The following SEMA6D variants were observed in gnomAD, a reference collection of about 807,000 sequenced individuals.
SEMA6D encodes the protein semaphorin 6D, also known as semaphorin-6D.
In SEMA6D, 35 loss-of-function variants were observed where a neutral mutation model predicts 106.6. The observed-to-expected ratio is 0.33, with a 90% CI of 0.25 to 0.44. The LOEUF is 0.44. Ranked by LOEUF, SEMA6D falls within the 20% of genes least tolerant of loss-of-function variation. The pLI, the probability that SEMA6D is intolerant of heterozygous loss-of-function variation, is 1.00. For synonymous variants in SEMA6D, 499 were observed against 487.7 expected (o/e 1.02, Z -0.31); for missense variants, 1,185 against 1,345.9 (o/e 0.88, Z 1.87).
At chr15:47,342,677 G>C (rs373673833) in intron 1 of SEMA6D, among the ~76,000 whole-genome samples, 7 of 152,170 alleles carry the variant, frequency 4.6e-5, no homozygotes, top group African/African-American at 1.7e-4. Context: ...CTGGGTGCTT[G>C]CGTCATTGAC....
chr15:47,696,906 T>A (rs1287522203), intron 4 of SEMA6D, among the ~76,000 whole-genome samples: 1 of 152,194 alleles, frequency 6.6e-6, no homozygotes, highest in Non-Finnish European at 1.5e-5. Flanking sequence ...TTTGACACAA[T>A]AAGGACTTAA....
Position 47,292,236 on chromosome 15 carries a change from A to G in SEMA6D, c.-239+107818A>G, listed in dbSNP as rs75647092. 4.8e-3 allele frequency among the ~76,000 whole-genome samples: 736 copies of G among 152,306 alleles called. 5 individuals are homozygous for G. Among genetic ancestry groups the G allele is most frequent in the African/African-American group, 0.017 (715 of 41,568 alleles). Reference sequence around the variant, plus strand: ...GTGATAGAAACTAAAAGAGTATAAAAAGATGTGATACTTTCATTTTTGAGA... The same window carrying G: ...GTGATAGAAACTAAAAGAGTATAAAGAGATGTGATACTTTCATTTTTGAGA... On this transcript the variant is annotated intron_variant, in intron 1 of 19. Transcript: ENST00000558014.
intron 1 of SEMA6D, among the ~76,000 whole-genome samples, chr15:47,305,420 A>G (rs2036195408): frequency 6.6e-6 from 1 of 152,224 alleles, no homozygotes; most frequent in Non-Finnish European, 1.5e-5. Context: ...TCCTTTGTGA[A>G]AAAAGCCATG....
At chr15:47,525,157 A>G (rs187503933) in intron 3 of SEMA6D, 2 of 152,268 alleles carry the variant, frequency 1.3e-5, no homozygotes, top group Admixed American at 6.5e-5. Context: ...CTCCTCTTGT[A>G]TCACAGGTGA....
chr15:47,432,799 T>A (rs1185331482), intron 2 of SEMA6D, among the ~76,000 whole-genome samples: 1 of 152,118 alleles, frequency 6.6e-6, no homozygotes, highest in African/African-American at 2.4e-5. Context: ...AACCACTGTG[T>A]GGAAAAACTA....
At chr15:47,645,217 GAAACATCTTTAA>G (rs1460366010) in intron 4 of SEMA6D, among the ~76,000 whole-genome samples, 1 of 152,158 alleles carries the variant, frequency 6.6e-6, no homozygotes, top group Non-Finnish European at 1.5e-5. Flanking sequence ...TCCCTTATTG[GAAACATCTTTAA>G]GGAAACAGTC....
intron 1 of SEMA6D, among the ~76,000 whole-genome samples, chr15:47,197,350 T>A (rs1425350542): frequency 6.6e-6 from 1 of 152,198 alleles, no homozygotes; most frequent in African/African-American, 2.4e-5. Flanking sequence ...GAGTTTAAGG[T>A]CTTTAAATCA....
chr15:47,362,460 C>T (rs2038847725), intron 1 of SEMA6D, among the ~76,000 whole-genome samples: 4 of 152,246 alleles, frequency 2.6e-5, no homozygotes, highest in Admixed American at 2.6e-4. Context: ...CCGGGTTCTC[C>T]GTTCTGCTCC....
intron 1 of SEMA6D, among the ~76,000 whole-genome samples, chr15:47,210,991 G>A (rs1046190837): frequency 2.0e-5 from 3 of 151,806 alleles, no homozygotes; most frequent in Non-Finnish European, 4.4e-5. Flanking sequence ...TTTTTTTAAA[G>A]TAACACATGT....
chr15:47,696,174 G>A (rs2145840693), intron 4 of SEMA6D, among the ~76,000 whole-genome samples: 1 of 152,078 alleles, frequency 6.6e-6, no homozygotes, highest in South Asian at 2.1e-4. Context: ...ATTTTGTTAG[G>A]GACTGAAAAA....
At chr15:47,606,140 G>T (rs989541326) in intron 4 of SEMA6D, 1 of 152,166 alleles carries the variant, frequency 6.6e-6, no homozygotes, top group East Asian at 1.9e-4. Context: ...GGGTGGTGCA[G>T]GGTAGATTTA....
intron 3 of SEMA6D, among the ~76,000 whole-genome samples, chr15:47,503,311 A>G (rs1456652075): frequency 2.0e-5 from 3 of 152,230 alleles, no homozygotes; most frequent in Non-Finnish European, 2.9e-5. Context: ...TCTTCATTCC[A>G]AGTGTAAACT....
intron 1 of SEMA6D, among the ~76,000 whole-genome samples, chr15:47,722,412 C>T (rs1268626492): frequency 6.6e-6 from 1 of 152,128 alleles, no homozygotes; most frequent in Non-Finnish European, 1.5e-5. Context: ...ACGCGATGTA[C>T]CTAAATATGG....
chr15:47,601,178 C>G (rs138061727), intron 4 of SEMA6D, among the ~76,000 whole-genome samples: 135 of 152,146 alleles, frequency 8.9e-4, no homozygotes, highest in Middle Eastern at 3.4e-3. Flanking sequence ...TTTTGTGATA[C>G]AGCAGACTCT....
intron 3 of SEMA6D, among the ~76,000 whole-genome samples, chr15:47,575,811 T>C (rs2076147201): frequency 6.6e-6 from 1 of 152,088 alleles, no homozygotes; most frequent in South Asian, 2.1e-4. Flanking sequence ...CAATAAAACA[T>C]TGTGGTATCT....
intron 1 of SEMA6D, among the ~76,000 whole-genome samples, chr15:47,369,876 G>A (rs982999317): frequency 2.6e-5 from 4 of 152,186 alleles, no homozygotes; most frequent in African/African-American, 7.2e-5. Context: ...CTAATTGAAT[G>A]CTTGAAAACC....
chr15:47,286,645 C>T (rs2035375739), intron 1 of SEMA6D, among the ~76,000 whole-genome samples: 1 of 152,014 alleles, frequency 6.6e-6, no homozygotes, highest in South Asian at 2.1e-4. Context: ...ATGTGAAGTA[C>T]ATAAAATTTG....
chr15:47,474,589 T>A (rs1410213309), intron 3 of SEMA6D, among the ~76,000 whole-genome samples: 1 of 152,242 alleles, frequency 6.6e-6, no homozygotes, highest in Non-Finnish European at 1.5e-5. Context: ...AATACTCATA[T>A]GTGCAGCATC....
At chr15:47,322,151 G>A (rs372099651) in intron 1 of SEMA6D, among the ~76,000 whole-genome samples, 3 of 152,154 alleles carry the variant, frequency 2.0e-5, no homozygotes, top group African/African-American at 7.2e-5. Context: ...ATGCTTATTG[G>A]AAAGTTGCAA....
Sources: allele counts gnomAD v4.1 joint callset (sites outside exome capture counted in the v4.1 genomes callset), GRCh38; gene constraint gnomAD v4.1.1; transcripts MANE v1.5; gene names NCBI Gene and HGNC (gene_info 2026-07-23, HGNC 2026-07-21).